The following PDIA4 variants were observed in gnomAD, a reference collection of about 807,000 sequenced individuals.
PDIA4 encodes the protein protein disulfide isomerase family A member 4.
PDIA4 carries 33 observed loss-of-function variants against 62.1 expected under a neutral mutation model. The ratio of observed to expected loss-of-function variants is 0.53; its 90% CI spans 0.40 to 0.71. The LOEUF (loss-of-function observed/expected upper bound fraction) is 0.71, where lower values mean the gene tolerates loss of function less well. Ranked by LOEUF, PDIA4 falls within the 30% of genes least tolerant of loss-of-function variation. The pLI, the probability that PDIA4 is intolerant of heterozygous loss-of-function variation, is 0.00. For synonymous variants in PDIA4, 341 were observed against 324.1 expected, an observed-to-expected ratio of 1.05 and a Z score of -0.56; for missense variants, 804 against 813.6, an observed-to-expected ratio of 0.99 and a Z score of 0.14.
chr7:149,009,406 G>A (rs1823868898), intron 6 of PDIA4, among the ~76,000 whole-genome samples: 1 of 152,224 alleles, frequency 6.6e-6, no homozygotes, highest in South Asian at 2.1e-4. Flanking sequence ...TTGGCAGGGG[G>A]AATGTTCTGG....
chr7:149,012,378 G>GT lies in PDIA4; in HGVS notation c.615-19dup, dbSNP rs752930266. On this transcript the variant is annotated intron_variant, in intron 4 of 9. Transcript: ENST00000652332. ...GTCCACACCTGCCAAGAGGAAACTG[G>GT]TTTGTCAGGGGCTCATTCTAGTGTG... 4.4e-6 allele frequency: 7 copies of GT among 1,602,244 alleles called. No homozygotes were observed. In the East Asian group the frequency reaches 6.7e-5, roughly 15 times the overall value.
At position 149,003,699 on chromosome 7, in the gene PDIA4, G is replaced by T; in HGVS notation, c.*95C>A. 10 of 796,970 alleles carry T rather than the reference G, an allele frequency of 1.3e-5. No individual in the cohort carries two copies. Among genetic ancestry groups the T allele is most frequent in the Non-Finnish European group, 1.9e-5 (10 of 533,494 alleles). The allele number at this position is 796,970 out of a possible 1,614,324, so 49.4% of individuals were successfully genotyped here. Reference sequence around the variant, plus strand: ...TAAAAAAAAAAAAAAAGGAATCCGAGATACTGTCGTTTGTTGCCGGCCTCG... The same window carrying T: ...TAAAAAAAAAAAAAAAGGAATCCGATATACTGTCGTTTGTTGCCGGCCTCG... On this transcript the variant is annotated 3_prime_UTR_variant, in exon 10 of 10. Transcript: ENST00000652332.
At chr7:149,023,774 G>A (rs1185826323) in intron 1 of PDIA4, among the ~76,000 whole-genome samples, 2 of 152,166 alleles carry the variant, frequency 1.3e-5, no homozygotes, top group Non-Finnish European at 2.9e-5. Context: ...TGACCACATA[G>A]ACAACTCCTT....
In PDIA4 at chr7:149,012,226, GA is replaced by G; in HGVS notation, c.748del (p.Ser250LeufsTer6). 2.5e-6 allele frequency: 4 copies of G among 1,614,164 alleles called. No individual in the cohort carries two copies. Among genetic ancestry groups the G allele is most frequent in the Non-Finnish European group, 3.4e-6 (4 of 1,180,028 alleles). ...GAAAATTTTCAGGGTGGGATAGCCAGAGACATCAAACCTCTTGGCCAGGTCT... is the reference window on the plus strand; with the variant it reads ...GAAAATTTTCAGGGTGGGATAGCCAGGACATCAAACCTCTTGGCCAGGTCT... ...ETDLAKRFDV[S>X]GYPTLKIFRK... On this transcript the variant is annotated frameshift_variant, in exon 5 of 10. Transcript: ENST00000652332. LOFTEE classifies it high-confidence loss of function.
At position 149,011,882 on chromosome 7, in the gene PDIA4, C is replaced by T; in HGVS notation, c.943G>A (p.Glu315Lys). The change falls in exon 6 of 10, where the codon GAG becomes AAG. Residue 315 changes from glutamate to lysine, a missense_variant. Coordinates refer to ENST00000652332, the MANE Select transcript of PDIA4 (RefSeq NM_004911.5). ...TATTGCTGGTAGGCTGGGTCACTCT[C>T]CCCCTTAAAGACCCCGATGATGATG... ...DVIIIGVFKGESDPAYQQYQD... is the reference protein window; with the variant it reads ...DVIIIGVFKGKSDPAYQQYQD... The T allele has an allele frequency of 6.3e-7, 1 of 1,596,062 alleles. No individual in the cohort carries two copies. The highest frequency in any genetic ancestry group is 8.5e-7 in the Non-Finnish European group (1 of 1,170,954).
Position 149,028,500 on chromosome 7 carries a change from C to T in PDIA4, c.-92G>A. 2 of 890,246 alleles carry T rather than the reference C, an allele frequency of 2.2e-6. No homozygotes were observed. Among genetic ancestry groups the T allele is most frequent in the Non-Finnish European group, 3.2e-6 (2 of 624,376 alleles). 55.1% of individuals were successfully genotyped at this position (890,246 alleles called of 1,614,324 possible). On this transcript the variant is annotated 5_prime_UTR_variant, in exon 1 of 10. Transcript: ENST00000652332. ...TGGCCGACAGCCCGTCGCTCCTTAGCGACGCGGGGGAGCCGGAAAAACCCA... is the reference window on the plus strand; with the variant it reads ...TGGCCGACAGCCCGTCGCTCCTTAGTGACGCGGGGGAGCCGGAAAAACCCA...
chr7:149,013,728 A>G (rs1392667868), intron 4 of PDIA4, among the ~76,000 whole-genome samples: 1 of 152,086 alleles, frequency 6.6e-6, no homozygotes, highest in Non-Finnish European at 1.5e-5. Context: ...CCACACACAC[A>G]AAAACACATC....
Position 149,011,839 on chromosome 7 carries a change from A to G in PDIA4, c.979+7T>C, listed in dbSNP as rs180887981. The G allele has an allele frequency of 2.1e-4, 331 of 1,557,400 alleles. 3 individuals carry two copies. The East Asian group carries it at 7.4e-3, about 35-fold the overall frequency. On this transcript the variant is annotated splice_region_variant and intron_variant, in intron 6 of 9. Coordinates refer to ENST00000652332, the MANE Select transcript of PDIA4 (RefSeq NM_004911.5). ...CATTTTGTTCAGCCCAGAGGGCCACAACTCACCGGCATCCTGGTATTGCTG... is the reference window on the plus strand; with the variant it reads ...CATTTTGTTCAGCCCAGAGGGCCACGACTCACCGGCATCCTGGTATTGCTG...
At chr7:149,009,275 C>T (rs1052766979) in intron 6 of PDIA4, among the ~76,000 whole-genome samples, 1 of 152,110 alleles carries the variant, frequency 6.6e-6, no homozygotes, top group African/African-American at 2.4e-5. Flanking sequence ...GGTGAGACCC[C>T]ATTTCTATAA....
At chr7:149,027,692 C>T (rs1238352598) in intron 1 of PDIA4, among the ~76,000 whole-genome samples, 1 of 149,336 alleles carries the variant, frequency 6.7e-6, no homozygotes, top group African/African-American at 2.6e-5. Flanking sequence ...GGGCAGGGAC[C>T]ACACTCACAA....
chr7:149,024,804 G>C (rs908659217), intron 1 of PDIA4, among the ~76,000 whole-genome samples: 6 of 106,546 alleles, frequency 5.6e-5, no homozygotes, highest in African/African-American at 1.9e-4. Context: ...GACCGAGCAA[G>C]ACTGTCATTT....
chr7:149,021,968 T>G (rs1379295499), intron 1 of PDIA4, among the ~76,000 whole-genome samples: 2 of 152,172 alleles, frequency 1.3e-5, no homozygotes, highest in African/African-American at 2.4e-5. Context: ...ACGTTATTGC[T>G]CACTGATGTG....
At chr7:149,012,973 C>T (rs981277809) in intron 4 of PDIA4, among the ~76,000 whole-genome samples, 5 of 152,136 alleles carry the variant, frequency 3.3e-5, no homozygotes, top group African/African-American at 4.8e-5. Context: ...ACTGGCCGGG[C>T]GCAGTGGCTC....
chr7:149,004,231 G>C (rs776750931), intron 9 of PDIA4, 22 bp from the exon 10 acceptor site: 1 of 1,600,908 alleles, frequency 6.2e-7, no homozygotes, highest in South Asian at 1.1e-5. Context: ...AGCAAGGCGG[G>C]AGGGGGCGTC....
intron 3 of PDIA4, among the ~76,000 whole-genome samples, 190 bp from the exon 4 acceptor site, chr7:149,015,232 C>A (rs780073651): frequency 1.3e-5 from 2 of 152,126 alleles, no homozygotes; most frequent in African/African-American, 4.8e-5. Flanking sequence ...AGAAGGTTCG[C>A]TATTTCCCAA....
chr7:149,014,088 C>G (rs1246608806), intron 4 of PDIA4, among the ~76,000 whole-genome samples: 1 of 152,258 alleles, frequency 6.6e-6, no homozygotes, highest in African/African-American at 2.4e-5. Context: ...CACTTTTCAT[C>G]TGCACATCCA....
chr7:149,020,923 GCA>G lies in PDIA4; in HGVS notation c.269+42_269+43del, dbSNP rs543304088. ...CCGGGTGAAGGGCTGAGCGAATGGAGCACAGCGCTTGTCCACCTGCAGAAATT... is the reference window on the plus strand; with the variant it reads ...CCGGGTGAAGGGCTGAGCGAATGGAGCAGCGCTTGTCCACCTGCAGAAATT... On this transcript the variant is annotated intron_variant, in intron 2 of 9. Coordinates refer to ENST00000652332, the MANE Select transcript of PDIA4 (RefSeq NM_004911.5). The G allele has an allele frequency of 6.1e-4, 970 of 1,600,350 alleles. 5 individuals are homozygous for G. Among genetic ancestry groups the G allele is most frequent in the Middle Eastern group, 5.0e-3 (30 of 6,006 alleles).
Position 149,028,468 on chromosome 7 carries a change from C to A in PDIA4, c.-60G>T. 2 of 1,206,426 alleles carry A rather than the reference C, an allele frequency of 1.7e-6. No homozygotes were observed. The highest frequency in any genetic ancestry group is 3.0e-5 in the South Asian group (2 of 65,608). The allele number at this position is 1,206,426 out of a possible 1,614,324, so 74.7% of individuals were successfully genotyped here. ...GCGGCCGCTGAGCGCACCGAGAACT[C>A]GGGGTCTGGCCGACAGCCCGTCGCT... On this transcript the variant is annotated 5_prime_UTR_variant, in exon 1 of 10. Transcript: ENST00000652332.
chr7:149,014,484 G>C (rs1824060821), intron 4 of PDIA4, among the ~76,000 whole-genome samples: 2 of 152,014 alleles, frequency 1.3e-5, no homozygotes, highest in African/African-American at 4.8e-5. Flanking sequence ...TCTCCCTTGA[G>C]AGCCGTCTTC....
Sources: allele counts gnomAD v4.1 joint callset (sites outside exome capture counted in the v4.1 genomes callset), GRCh38; gene constraint gnomAD v4.1.1; transcripts MANE v1.5; gene names NCBI Gene and HGNC (gene_info 2026-07-23, HGNC 2026-07-21).